MSI2: variants seen among roughly 807,000 people sequenced by gnomAD.
MSI2 encodes RNA-binding protein Musashi homolog 2.
A neutral mutation model predicts 45.6 loss-of-function variants in MSI2; 17 were observed. The observed-to-expected ratio is 0.37, with a 90% CI of 0.26 to 0.56. The LOEUF is 0.56. Ranked by LOEUF, MSI2 falls within the 20% of genes least tolerant of loss-of-function variation. The probability of loss-of-function intolerance (pLI) is 0.77; values close to 1 mark genes in which losing one functional copy is unlikely to be tolerated. For synonymous variants in MSI2, 156 were observed against 158.2 expected, an observed-to-expected ratio of 0.99 and a Z score of 0.11; for missense variants, 293 against 444.2, an observed-to-expected ratio of 0.66 and a Z score of 3.06.
chr17:57,437,569 T>A (rs539867042), intron 6 of MSI2, among the ~76,000 whole-genome samples: 6 of 152,330 alleles, frequency 3.9e-5, no homozygotes, highest in African/African-American at 1.4e-4. Context: ...AGAATTCCAA[T>A]GTTCACTGCA....
At chr17:57,509,311 G>T (rs1408088117) in intron 6 of MSI2, among the ~76,000 whole-genome samples, 1 of 152,192 alleles carries the variant, frequency 6.6e-6, no homozygotes, top group Non-Finnish European at 1.5e-5. Context: ...GTGAGGGGGA[G>T]AGTGAGGAAG....
In MSI2 at chr17:57,313,971, G is replaced by A. The variant is rs58610203; in HGVS notation, c.312+51779G>A. 2.2e-3 allele frequency among the ~76,000 whole-genome samples: 339 copies of A among 152,228 alleles called. 1 individual carries two copies. The highest frequency in any genetic ancestry group is 7.8e-3 in the African/African-American group (325 of 41,546). On this transcript the variant is annotated intron_variant, in intron 5 of 13. Transcript: ENST00000284073. The stretch of plus-strand genomic sequence containing the variant: ...TAGGGCCAGTGTAACAAAGTACCAC[G>A]GACTAGGCGGCTTCTACAACAGAAT...
In MSI2 at chr17:57,683,663, G is replaced by A; in HGVS notation, c.*4146G>A. On this transcript the variant is annotated 3_prime_UTR_variant, in exon 14 of 14. Transcript: ENST00000284073. This position sits in a 1 kb window ranked among gnomAD's most constrained non-coding sequence, Gnocchi z 5.2. ...AACAGAGGGAGAGTGGGGGGCTGGT[G>A]GGGGAGGGGAGATTTTTTTTTTTTT... 4.3e-6 allele frequency: 1 copy of A among 231,866 alleles called. No homozygotes were observed. The highest frequency in any genetic ancestry group is 8.5e-6 in the Non-Finnish European group (1 of 117,310). 14.4% of individuals were successfully genotyped at this position (231,866 alleles called of 1,614,324 possible). A position where few individuals can be genotyped will look rare whatever the true frequency, so the allele number is the denominator to read the frequency against.
intron 5 of MSI2, among the ~76,000 whole-genome samples, chr17:57,269,973 G>A (rs1227260061): frequency 4.6e-5 from 7 of 152,078 alleles, no homozygotes; most frequent in Admixed American, 2.6e-4. Context: ...TCACTTGGTC[G>A]GTCCAGCTGG....
At chr17:57,654,865 A>G (rs1342697578) in intron 11 of MSI2, among the ~76,000 whole-genome samples, 2 of 149,996 alleles carry the variant, frequency 1.3e-5, no homozygotes, top group African/African-American at 4.9e-5. Flanking sequence ...ACATCATCCT[A>G]TGGACGGCCC....
chr17:57,667,007 A>AT (rs1431310827), intron 11 of MSI2, among the ~76,000 whole-genome samples: 1 of 152,166 alleles, frequency 6.6e-6, no homozygotes, highest in Admixed American at 6.5e-5. Context: ...CTCCCTGTCT[A>AT]TTTCCTGTGG....
intron 5 of MSI2, among the ~76,000 whole-genome samples, chr17:57,384,839 C>T (rs1299272229): frequency 3.3e-5 from 5 of 152,138 alleles, no homozygotes; most frequent in Non-Finnish European, 7.3e-5. Flanking sequence ...ACAGATTGTC[C>T]TACAGACACT....
chr17:57,468,989 T>G (rs907294028), intron 6 of MSI2, among the ~76,000 whole-genome samples: 1 of 152,186 alleles, frequency 6.6e-6, no homozygotes, highest in African/African-American at 2.4e-5. Flanking sequence ...TCAGTTTGCG[T>G]GTTCCCCTGG....
chr17:57,339,069 C>G (rs747996092), intron 5 of MSI2, among the ~76,000 whole-genome samples: 1 of 152,194 alleles, frequency 6.6e-6, no homozygotes, highest in Admixed American at 6.5e-5. Context: ...AAATCACGGA[C>G]GTTAAAATAA....
At chr17:57,540,136 C>A (rs750716982) in intron 7 of MSI2, among the ~76,000 whole-genome samples, 4 of 152,188 alleles carry the variant, frequency 2.6e-5, no homozygotes, top group African/African-American at 4.8e-5. Context: ...CCTCAGTTTT[C>A]TCATCTATTA....
At chr17:57,689,069 G>A (rs1428313791), downstream of MSI2, among the ~76,000 whole-genome samples, 1 of 152,104 alleles carries the variant, frequency 6.6e-6, no homozygotes, top group Non-Finnish European at 1.5e-5. Flanking sequence ...GTGTGGATTT[G>A]TATATTCAGC....
chr17:57,490,681 C>T (rs1471003839), intron 6 of MSI2, among the ~76,000 whole-genome samples: 2 of 152,148 alleles, frequency 1.3e-5, no homozygotes, highest in Non-Finnish European at 2.9e-5. Flanking sequence ...GCTCATGTTT[C>T]AAGATATCAC....
chr17:57,471,257 C>T (rs900204002), intron 6 of MSI2, among the ~76,000 whole-genome samples: 2 of 149,500 alleles, frequency 1.3e-5, no homozygotes, highest in Non-Finnish European at 2.9e-5. Flanking sequence ...CAGCCATCAA[C>T]CTGCGGCATT....
At chr17:57,691,502 G>A in the MSI2 span, among the ~76,000 whole-genome samples, 1 of 152,098 alleles carries the variant, frequency 6.6e-6, no homozygotes, top group African/African-American at 2.4e-5. Context: ...CTATACACAA[G>A]GGACATTTTT....
Position 57,683,931 on chromosome 17 carries a change from CT to C in MSI2, c.*4422del, listed in dbSNP as rs201475229. 4.8e-5 allele frequency: 11 copies of C among 229,718 alleles called. No homozygotes were observed. Among genetic ancestry groups the C allele is most frequent in the Non-Finnish European group, 8.6e-5 (10 of 115,994 alleles). 14.2% of individuals were successfully genotyped at this position (229,718 alleles called of 1,614,324 possible). Reference sequence around the variant, plus strand: ...TAATATGTTTGTTTTCTTTTTCTTTCTTTTTTTTCTACCAAAAAAAAGTAAG... The same window carrying C: ...TAATATGTTTGTTTTCTTTTTCTTTCTTTTTTTCTACCAAAAAAAAGTAAG... On this transcript the variant is annotated 3_prime_UTR_variant, in exon 14 of 14. Transcript: ENST00000284073. This position sits in a 1 kb window ranked among gnomAD's most constrained non-coding sequence, Gnocchi z 5.2.
intron 11 of MSI2, among the ~76,000 whole-genome samples, chr17:57,671,812 T>C (rs960503248): frequency 1.3e-5 from 2 of 152,226 alleles, no homozygotes; most frequent in African/African-American, 4.8e-5. Context: ...GTCCCCATTC[T>C]CTCCTAAGCA....
chr17:57,321,388 A>G (rs1233123957), intron 5 of MSI2, among the ~76,000 whole-genome samples: 2 of 152,142 alleles, frequency 1.3e-5, no homozygotes, highest in Admixed American at 6.5e-5. Context: ...TCAGAATTAG[A>G]GAAGGAGAAA....
chr17:57,488,271 C>A (rs1473201652), intron 6 of MSI2, among the ~76,000 whole-genome samples: 1 of 152,180 alleles, frequency 6.6e-6, no homozygotes, highest in African/African-American at 2.4e-5. Context: ...TTCCATACAT[C>A]CTAAACATCC....
At chr17:57,643,298 C>T (rs1000807426) in intron 10 of MSI2, among the ~76,000 whole-genome samples, 5 of 152,234 alleles carry the variant, frequency 3.3e-5, no homozygotes, top group African/African-American at 1.2e-4. Context: ...TCTCCCTCCG[C>T]AGCCCAAGAC....
Sources: allele counts gnomAD v4.1 joint callset (sites outside exome capture counted in the v4.1 genomes callset), GRCh38; gene constraint gnomAD v4.1.1; non-coding constraint Gnocchi (gnomAD v3.1); transcripts MANE v1.5; gene names NCBI Gene and HGNC (gene_info 2026-07-23, HGNC 2026-07-21).